The following PGRMC2 variants were observed in gnomAD, a reference collection of about 807,000 sequenced individuals.
PGRMC2 encodes membrane-associated progesterone receptor component 2.
Under a neutral mutation model 19.3 loss-of-function variants are expected in PGRMC2, and 9 were observed. The observed-to-expected ratio is 0.47, with a 90% CI of 0.28 to 0.81. The LOEUF (loss-of-function observed/expected upper bound fraction) is 0.81. Among genes scored for constraint, PGRMC2 ranks in the 40% least tolerant of loss-of-function variants. PGRMC2 has a pLI of 0.11. For missense variants in PGRMC2, 289 were observed against 297.3 expected, an observed-to-expected ratio of 0.97 and a Z score of 0.21; for synonymous variants, 157 against 124.6, an observed-to-expected ratio of 1.26 and a Z score of -1.73.
intron 1 of PGRMC2, 67 bp from the exon 2 acceptor site, chr4:128,272,584 T>TAAAAAAAAAAAAAAAAAAAAC (rs5861848): frequency 3.1e-6 from 1 of 318,668 alleles, no homozygotes; most frequent in Non-Finnish European, 4.7e-6. Flanking sequence ...AAGGAAAAAG[T>TAAAAAAAAAAAAAAAAAAAAC]AAAAAAAAAA....
chr4:128,282,455 TATA>T (rs1245722074), intron 1 of PGRMC2, among the ~76,000 whole-genome samples: 1 of 152,242 alleles, frequency 6.6e-6, no homozygotes, highest in Non-Finnish European at 1.5e-5. Context: ...GCTATCCTTT[TATA>T]ATATGCTTTA....
chr4:128,271,559 T>C (rs1760730085), intron 2 of PGRMC2, 146 bp from the exon 3 acceptor site: 1 of 534,392 alleles, frequency 1.9e-6, no homozygotes, highest in Non-Finnish European at 3.3e-6. Context: ...TGCTTCACCA[T>C]GGCTGGTCTT....
At position 128,278,472 on chromosome 4, in the gene PGRMC2, T is replaced by C. The variant is rs925860938; in HGVS notation, c.419-5955A>G. ...CTGTAATCCCGGTTACTCAAGAGGC[T>C]GAGGCAGGAGAATCGCTTGAACCCG... On this transcript the variant is annotated intron_variant, in intron 1 of 2. Transcript: ENST00000296425. Among the ~76,000 whole-genome samples, 3 of 152,236 alleles carry C rather than the reference T, an allele frequency of 2.0e-5. 1 individual carries two copies. Among genetic ancestry groups the C allele is most frequent in the African/African-American group, 7.2e-5 (3 of 41,548 alleles).
At chr4:128,286,867 G>T in intron 1 of PGRMC2, 1 of 370,922 alleles carries the variant, frequency 2.7e-6, no homozygotes, top group Non-Finnish European at 4.7e-6. Context: ...GGGAAAAAAG[G>T]AGATCAGTGG....
intron 2 of PGRMC2, 129 bp downstream of exon 2, chr4:128,272,233 A>G: frequency 1.8e-6 from 1 of 568,998 alleles, no homozygotes; most frequent in South Asian, 5.9e-5. Flanking sequence ...GCTATCTTTA[A>G]AAATATTATC....
intron 1 of PGRMC2, among the ~76,000 whole-genome samples, chr4:128,280,353 G>A (rs1631271): frequency 0.97 from 116,681 of 120,734 alleles, 56,544 homozygotes; most frequent in South Asian, 1. Context: ...AATTTTCTGG[G>A]AAAAAAAAAA....
chr4:128,276,477 C>T (rs955914528), intron 1 of PGRMC2, among the ~76,000 whole-genome samples: 2 of 152,044 alleles, frequency 1.3e-5, no homozygotes, highest in Admixed American at 1.3e-4. Context: ...TGGCACCACG[C>T]CCAGCTAATT....
At chr4:128,276,462 G>C (rs1490977595) in intron 1 of PGRMC2, among the ~76,000 whole-genome samples, 1 of 151,930 alleles carries the variant, frequency 6.6e-6, no homozygotes, top group African/African-American at 2.4e-5. Flanking sequence ...TGGGATTATT[G>C]GGTGTGGCAC....
intron 1 of PGRMC2, among the ~76,000 whole-genome samples, chr4:128,282,490 C>A (rs1306967546): frequency 6.6e-6 from 1 of 152,176 alleles, no homozygotes; most frequent in Non-Finnish European, 1.5e-5. Context: ...AAATACGATT[C>A]CCTCAAAGAT....
At chr4:128,276,873 C>A (rs1197773815) in intron 1 of PGRMC2, among the ~76,000 whole-genome samples, 3 of 152,162 alleles carry the variant, frequency 2.0e-5, no homozygotes, top group Admixed American at 1.3e-4. Context: ...TCAAGGACAT[C>A]ATTTTAAAGA....
intron 1 of PGRMC2, among the ~76,000 whole-genome samples, chr4:128,274,501 A>T (rs1166817674): frequency 7.4e-6 from 1 of 135,080 alleles, no homozygotes; most frequent in African/African-American, 2.8e-5. Context: ...AGAAAGCAAG[A>T]CTCCTTCTCC....
chr4:128,271,408 A>G lies in PGRMC2; in HGVS notation c.580T>C (p.Tyr194His). 1 of 1,570,986 alleles carries G rather than the reference A, an allele frequency of 6.4e-7. No individual in the cohort carries two copies. Among genetic ancestry groups the G allele is most frequent in the Non-Finnish European group, 8.8e-7 (1 of 1,142,100 alleles). ...REWEMQFKEK[Y>H]DYVGRLLKPG... Reference sequence around the variant, plus strand: ...TTTAGGAGTCTGCCTACATAATCATATTTTTCTGAAAGATACATCAAAAGA... The same window carrying G: ...TTTAGGAGTCTGCCTACATAATCATGTTTTTCTGAAAGATACATCAAAAGA... Residue 194 changes from tyrosine to histidine, a missense_variant, in exon 3 of 3, where the codon TAT (tyrosine) becomes CAT (histidine). Physicochemically the swap from Tyr to His is moderately conservative, Grantham distance 83 (BLOSUM62 2). Transcript: ENST00000296425.
chr4:128,286,760 G>C (rs983344644), intron 1 of PGRMC2: 4 of 398,046 alleles, frequency 1.0e-5, no homozygotes, highest in African/African-American at 2.1e-5. Flanking sequence ...CTGGTTTAAA[G>C]AGAGTCCGAG....
In PGRMC2 at chr4:128,286,893, A is replaced by G. The variant is rs41298563; in HGVS notation, c.418+480T>C. 3.6e-3 allele frequency: 1,297 copies of G among 358,182 alleles called. 5 individuals carry two copies. The highest frequency in any genetic ancestry group is 0.01 in the African/African-American group (482 of 47,304). The allele number at this position is 358,182 out of a possible 1,614,324, so 22.2% of individuals were successfully genotyped here. A position where few individuals can be genotyped will look rare whatever the true frequency, so the allele number is the denominator to read the frequency against. On this transcript the variant is annotated intron_variant, in intron 1 of 2. Transcript: ENST00000296425. The stretch of plus-strand genomic sequence containing the variant: ...AGATCAGTGGCAAAAAAAAAAAAAA[A>G]GGGGGCAAGGAAAAGAAAACGGTGA...
chr4:128,286,832 G>A lies in PGRMC2; in HGVS notation c.418+541C>T, dbSNP rs369042511. ...GTTGGGACTTTACATGCCCCTAAAC[G>A]TGGCCTTACGGAGTAATACAGCGAG... On this transcript the variant is annotated intron_variant, in intron 1 of 2. Coordinates refer to ENST00000296425, the MANE Select transcript of PGRMC2 (RefSeq NM_006320.6). 5 of 392,300 alleles carry A rather than the reference G, an allele frequency of 1.3e-5. No individual in the cohort carries two copies. The East Asian group carries it at 1.8e-4, about 14-fold the overall frequency. 24.3% of individuals were successfully genotyped at this position (392,300 alleles called of 1,614,324 possible).
In PGRMC2 at chr4:128,287,515, G is replaced by T. The variant is rs898973493; in HGVS notation, c.276C>A (p.Ala92=). 7 of 1,607,366 alleles carry T rather than the reference G, an allele frequency of 4.4e-6. No individual in the cohort carries two copies. The highest frequency in any genetic ancestry group is 5.9e-6 in the Non-Finnish European group (7 of 1,177,356). ...AGAGAGEESP[A]TSLPRMKKRD... is the part of the protein sequence containing the mutation. ...GCTTCTTCATGCGAGGCAGAGAGGT[G>T]GCGGGGCTCTCCTCGCCCGCCCCGG... The change falls in exon 1 of 3, where the codon GCC becomes GCA. Residue 92 remains alanine (A), a synonymous_variant. Transcript: ENST00000296425.
intron 1 of PGRMC2, chr4:128,286,667 A>C: frequency 2.5e-6 from 1 of 398,562 alleles, no homozygotes; most frequent in Middle Eastern, 6.3e-4. Flanking sequence ...GAATATCCTT[A>C]CCAGTCTTTA....
chr4:128,286,833 T>C (rs1055180289), intron 1 of PGRMC2: 8 of 371,432 alleles, frequency 2.2e-5, no homozygotes, highest in African/African-American at 1.8e-4. Flanking sequence ...CCCCTAAACG[T>C]GGCCTTACGG....
rs192601323 is a variant in PGRMC2 at position 128,277,906 on chromosome 4, G to A, written c.419-5389C>T. On this transcript the variant is annotated intron_variant, in intron 1 of 2. Transcript: ENST00000296425. ...CTTAGATCCCTCAAATATAAATTAGGAAAATTATTTTACCTGCCTGAAGTT... is the reference window on the plus strand; with the variant it reads ...CTTAGATCCCTCAAATATAAATTAGAAAAATTATTTTACCTGCCTGAAGTT... 3.9e-5 allele frequency among the ~76,000 whole-genome samples: 6 copies of A among 152,178 alleles called. No homozygotes were observed. In the East Asian group the frequency reaches 9.6e-4, roughly 24 times the overall value.
Sources: allele counts gnomAD v4.1 joint callset (sites outside exome capture counted in the v4.1 genomes callset), GRCh38; gene constraint gnomAD v4.1.1; transcripts MANE v1.5; gene names NCBI Gene and HGNC (gene_info 2026-07-23, HGNC 2026-07-21).